GLRA2: variants seen among roughly 807,000 people sequenced by gnomAD.
The protein encoded by GLRA2 is glycine receptor subunit alpha-2.
In GLRA2, 11 loss-of-function variants were observed where a neutral mutation model predicts 31.6. The ratio of observed to expected loss-of-function variants is 0.35; its 90% confidence interval spans 0.22 to 0.58. The LOEUF is 0.58. GLRA2 is among the 20% of genes least tolerant of loss of function. The pLI is 0.84. For missense variants in GLRA2, 212 were observed against 351.8 expected, an observed-to-expected ratio of 0.60 and a Z score of 3.18; for synonymous variants, 132 against 134.0, an observed-to-expected ratio of 0.99 and a Z score of 0.10.
At chrX:14,501,800 C>G in the GLRA2 span, among the ~76,000 whole-genome samples, 2 of 111,628 alleles carry the variant, frequency 1.8e-5, no homozygotes, top group South Asian at 3.8e-4. Context: ...GTACCACAGT[C>G]TAGGTGGCTT....
At chrX:14,704,057 T>C (rs891537821) in intron 8 of GLRA2, among the ~76,000 whole-genome samples, 1 of 111,321 alleles carries the variant, frequency 9.0e-6, no homozygotes, top group Non-Finnish European at 1.9e-5. Context: ...CTGAACCCCA[T>C]CCTCGGCCTC....
intron 8 of GLRA2, among the ~76,000 whole-genome samples, chrX:14,726,259 A>G (rs1384402373): frequency 1.8e-5 from 2 of 112,105 alleles, no homozygotes; most frequent in Non-Finnish European, 3.8e-5. Flanking sequence ...TTAGTCATTT[A>G]TTATAACACA....
At chrX:14,460,808 C>A in the GLRA2 span, among the ~76,000 whole-genome samples, 1 of 111,161 alleles carries the variant, frequency 9.0e-6, no homozygotes, top group Non-Finnish European at 1.9e-5. Flanking sequence ...CAAAAACCAG[C>A]TCCTGGATTC....
intron 8 of GLRA2, among the ~76,000 whole-genome samples, chrX:14,719,319 A>G (rs1420761071): frequency 1.8e-5 from 2 of 111,983 alleles, no homozygotes; most frequent in African/African-American, 6.5e-5. Flanking sequence ...AGGGATCAAT[A>G]TCAAAAATAT....
chrX:14,599,619 G>A (rs895280566), intron 4 of GLRA2, among the ~76,000 whole-genome samples: 1 of 111,891 alleles, frequency 8.9e-6, no homozygotes, highest in African/African-American at 3.2e-5. Context: ...TTTTTAAATA[G>A]CAAATGGGGT....
At chrX:14,460,834 AG>A in the GLRA2 span, among the ~76,000 whole-genome samples, 1 of 110,276 alleles carries the variant, frequency 9.1e-6, no homozygotes, top group Non-Finnish European at 1.9e-5. Context: ...TTTTTTTTGA[AG>A]GGTTTTTTTT....
intron 7 of GLRA2, among the ~76,000 whole-genome samples, chrX:14,619,097 C>G (rs2090486062): frequency 9.0e-6 from 1 of 111,207 alleles, no homozygotes; most frequent in Non-Finnish European, 1.9e-5. Context: ...GATGGAATAA[C>G]TAGCAGGATT....
At chrX:14,547,024 A>C (rs1354687203) in intron 2 of GLRA2, among the ~76,000 whole-genome samples, 2 of 111,649 alleles carry the variant, frequency 1.8e-5, no homozygotes, top group African/African-American at 6.5e-5. Context: ...GGTATTAACA[A>C]AAAGTATCCA....
At chrX:14,702,778 C>G (rs776702524) in intron 8 of GLRA2, among the ~76,000 whole-genome samples, 2 of 111,629 alleles carry the variant, frequency 1.8e-5, no homozygotes, top group Non-Finnish European at 3.8e-5. Context: ...GATATGACCA[C>G]GCAGGCAGTA....
At chrX:14,582,891 A>G (rs1165504265) in intron 4 of GLRA2, among the ~76,000 whole-genome samples, 2 of 112,135 alleles carry the variant, frequency 1.8e-5, no homozygotes, top group African/African-American at 6.5e-5. Flanking sequence ...CTGTGTCTCA[A>G]TAAAATATTA....
chrX:14,591,022 A>G (rs2090139607), intron 4 of GLRA2, among the ~76,000 whole-genome samples: 1 of 111,609 alleles, frequency 9.0e-6, no homozygotes, highest in Non-Finnish European at 1.9e-5. Context: ...GAGGGTAGAA[A>G]TATGAAGGTC....
intron 7 of GLRA2, among the ~76,000 whole-genome samples, chrX:14,627,909 C>T (rs1260005106): frequency 2.7e-5 from 3 of 111,734 alleles, no homozygotes; most frequent in Non-Finnish European, 3.8e-5. Context: ...AGTTCCAAAC[C>T]GTATGTGTAG....
intron 8 of GLRA2, among the ~76,000 whole-genome samples, chrX:14,691,327 G>A (rs926603240): frequency 2.3e-4 from 22 of 94,894 alleles, no homozygotes; most frequent in South Asian, 4.7e-4. Context: ...GTGTGTGTGC[G>A]CGCGTGCGTG....
At chrX:14,483,765 G>T in the GLRA2 span, among the ~76,000 whole-genome samples, 1 of 112,074 alleles carries the variant, frequency 8.9e-6, no homozygotes, top group Non-Finnish European at 1.9e-5. Flanking sequence ...GCAAAGTATT[G>T]CTCCTGGGTG....
chrX:14,710,876 C>T (rs1026469352), intron 8 of GLRA2, among the ~76,000 whole-genome samples: 10 of 112,073 alleles, frequency 8.9e-5, no homozygotes, highest in African/African-American at 3.2e-4. Context: ...CACCTAGTCC[C>T]CTAACCCATT....
rs1350082726 is a variant in GLRA2, at chrX:14,554,596, A to G, written c.203-19737A>G. On this transcript the variant is annotated intron_variant, in intron 2 of 8. Coordinates refer to ENST00000218075, the MANE Select transcript of GLRA2 (RefSeq NM_002063.4). ...AATCTCTTTCTTTTTTAAAAACCTCACATGAAAAAATAATTTTCCAAAATA... is the reference window on the plus strand; with the variant it reads ...AATCTCTTTCTTTTTTAAAAACCTCGCATGAAAAAATAATTTTCCAAAATA... 2.7e-5 allele frequency among the ~76,000 whole-genome samples: 3 copies of G among 111,784 alleles called. No individual in the cohort carries two copies. The Admixed American group carries it at 2.8e-4, about 11-fold the overall frequency.
chrX:14,601,954 A>C (rs769252141), intron 4 of GLRA2, among the ~76,000 whole-genome samples: 2 of 111,725 alleles, frequency 1.8e-5, no homozygotes, highest in South Asian at 7.5e-4. Flanking sequence ...ACTTTAGAAA[A>C]ATACGGATTG....
chrX:14,536,092 A>AT (rs757975216), intron 2 of GLRA2, among the ~76,000 whole-genome samples: 13 of 111,846 alleles, frequency 1.2e-4, no homozygotes, highest in Admixed American at 6.6e-4. Context: ...CATGCACACT[A>AT]TTTTTTTCCC....
At chrX:14,689,586 C>T (rs2091321272) in intron 7 of GLRA2, among the ~76,000 whole-genome samples, 1 of 111,602 alleles carries the variant, frequency 9.0e-6, no homozygotes. Context: ...TAATTTCATC[C>T]CTCTTTACCC....
Sources: allele counts gnomAD v4.1 joint callset (sites outside exome capture counted in the v4.1 genomes callset), GRCh38; gene constraint gnomAD v4.1.1; transcripts MANE v1.5; gene names NCBI Gene and HGNC (gene_info 2026-07-23, HGNC 2026-07-21).